The following RIF1 variants were observed in gnomAD, a reference collection of about 807,000 sequenced individuals.
RIF1 encodes the protein replication timing regulatory factor 1, also known as telomere-associated protein RIF1.
A neutral mutation model predicts 247.1 loss-of-function variants in RIF1; 45 were observed. The ratio of observed to expected loss-of-function variants is 0.18; its 90% CI spans 0.14 to 0.23. The LOEUF (loss-of-function observed/expected upper bound fraction) is 0.23. RIF1 is among the 10% of genes least tolerant of loss of function. The probability of loss-of-function intolerance (pLI) is 1.00; values close to 1 mark genes in which losing one functional copy is unlikely to be tolerated. For synonymous variants in RIF1, 1,087 were observed against 978.8 expected, an observed-to-expected ratio of 1.11 and a Z score of -2.06; for missense variants, 2,967 against 2,862.5, an observed-to-expected ratio of 1.04 and a Z score of -0.83.
In RIF1 at chr2:151,446,381, A is replaced by ATAGGTATATATTAACAAAACTTCTTTTT; in HGVS notation, c.2095-43_2095-16dup. The ATAGGTATATATTAACAAAACTTCTTTTT allele has an allele frequency of 2.0e-6, 3 of 1,518,982 alleles. No homozygotes were observed. In the South Asian group the frequency reaches 3.5e-5, roughly 18 times the overall value. The allele number at this position is 1,518,982 out of a possible 1,614,324, so 94.1% of individuals were successfully genotyped here. A position where few individuals can be genotyped will look rare whatever the true frequency, so the allele number is the denominator to read the frequency against. On this transcript the variant is annotated intron_variant, in intron 19 of 35. Transcript: ENST00000444746. Reference sequence around the variant, plus strand: ...GTATTGATTCTATAAACTTTGATAGATAGGTATATATTAACAAAACTTCTT... The same window carrying ATAGGTATATATTAACAAAACTTCTTTTT: ...GTATTGATTCTATAAACTTTGATAGATAGGTATATATTAACAAAACTTCTTTTTTAGGTATATATTAACAAAACTTCTT...
chr2:151,460,322 G>T (rs1351426525), intron 26 of RIF1, among the ~76,000 whole-genome samples: 1 of 152,192 alleles, frequency 6.6e-6, no homozygotes, highest in Non-Finnish European at 1.5e-5. Flanking sequence ...TTTAGGAAAG[G>T]TAAGTTTCTG....
rs1323999578 is a variant in RIF1, at chr2:151,476,907, G to T, written c.*1836G>T. The T allele has an allele frequency of 6.6e-6, 1 of 152,122 alleles. No homozygotes were observed. The highest frequency in any genetic ancestry group is 1.9e-4 in the East Asian group (1 of 5,200). The allele number at this position is 152,122 out of a possible 1,614,324, so 9.4% of individuals were successfully genotyped here. A position where few individuals can be genotyped will look rare whatever the true frequency, so the allele number is the denominator to read the frequency against. On this transcript the variant is annotated 3_prime_UTR_variant, in exon 36 of 36. Transcript: ENST00000444746. Reference sequence around the variant, plus strand: ...CACACTTCAGAATTAAAATCAGTTCGTTTCATGACTCTGTGCCTTAACGTT... The same window carrying T: ...CACACTTCAGAATTAAAATCAGTTCTTTTCATGACTCTGTGCCTTAACGTT...
intron 30 of RIF1, 93 bp from the exon 31 acceptor site, chr2:151,467,907 T>G: frequency 8.0e-7 from 1 of 1,247,124 alleles, no homozygotes; most frequent in Non-Finnish European, 1.1e-6. Context: ...TAAACCCACA[T>G]TCTATTTTTG....
intron 7 of RIF1, among the ~76,000 whole-genome samples, chr2:151,421,824 A>G (rs1688217463): frequency 6.6e-6 from 1 of 151,860 alleles, no homozygotes; most frequent in Admixed American, 6.6e-5. Context: ...ATTCAATTTT[A>G]GTGACATATA....
At chr2:151,462,854 G>A (rs756038392) in intron 29 of RIF1, 30 bp from the exon 30 acceptor site, 1 of 1,448,522 alleles carries the variant, frequency 6.9e-7, no homozygotes, top group Non-Finnish European at 9.4e-7. Context: ...TAATCTGTGT[G>A]TGTATATATA....
intron 29 of RIF1, 85 bp downstream of exon 29, chr2:151,462,551 C>T: frequency 1.2e-6 from 1 of 848,066 alleles, no homozygotes; most frequent in Non-Finnish European, 1.8e-6. Flanking sequence ...GTCTGTAGGT[C>T]TTCCCTTTAT....
chr2:151,414,833 C>T lies in RIF1; in HGVS notation c.194C>T (p.Ser65Phe), dbSNP rs1686913594. Residue 65 changes from serine to phenylalanine, a missense_variant, in exon 4 of 36, where the codon TCC becomes TTC. Physicochemically the swap from Ser to Phe is radical, Grantham distance 155 (BLOSUM62 -2). Coordinates refer to ENST00000444746, the MANE Select transcript of RIF1 (RefSeq NM_018151.5). ...ATTTTGTTTTTGTAGACTCACATTT[C>T]CAGTCAAAACTCGGAGCTGAGTAGT... ...RLYKVLKTHI[S>F]SQNSELSSAA... 6.2e-7 allele frequency: 1 copy of T among 1,607,942 alleles called. No homozygotes were observed. Among genetic ancestry groups the T allele is most frequent in the Non-Finnish European group, 8.5e-7 (1 of 1,177,520 alleles).
intron 25 of RIF1, among the ~76,000 whole-genome samples, 181 bp downstream of exon 25, chr2:151,459,091 C>T (rs983386372): frequency 6.6e-6 from 1 of 152,164 alleles, no homozygotes; most frequent in Non-Finnish European, 1.5e-5. Context: ...TGTAAATAAT[C>T]TCTAATTCTT....
At chr2:151,416,424 C>A in intron 4 of RIF1, 137 bp from the exon 5 acceptor site, 1 of 757,272 alleles carries the variant, frequency 1.3e-6, no homozygotes. Flanking sequence ...TTGGTATCAG[C>A]ATTGGTTCTC....
rs1696508618 is a variant in RIF1, at chr2:151,463,614, C to T, written c.4094C>T (p.Ala1365Val). The change falls in exon 30 of 36, where the codon GCT (alanine) becomes GTT (valine). Residue 1365 changes from alanine to valine, a missense_variant. Around this residue, in one of 7 missense-constraint regions of RIF1, gnomAD observed 2,028 missense variants for 1,825.6 expected, o/e 1.11. Coordinates refer to ENST00000444746, the MANE Select transcript of RIF1 (RefSeq NM_018151.5). ...TKLKAATVEN[A>V]VLLETNTVEE... is the part of the protein sequence containing the mutation. The stretch of plus-strand genomic sequence containing the variant: ...CTTAAAGCAGCAACAGTGGAAAATG[C>T]TGTATTATTGGAAACTAATACTGTA... 2 of 1,613,592 alleles carry T rather than the reference C, an allele frequency of 1.2e-6. No individual in the cohort carries two copies. Among genetic ancestry groups the T allele is most frequent in the Non-Finnish European group, 1.7e-6 (2 of 1,179,828 alleles).
intron 11 of RIF1, among the ~76,000 whole-genome samples, 178 bp downstream of exon 11, chr2:151,435,758 CTGT>C (rs1691061313): frequency 6.8e-6 from 1 of 146,698 alleles, no homozygotes; most frequent in South Asian, 2.3e-4. Context: ...TCATGTTTTT[CTGT>C]TTTTTGTTTT....
intron 26 of RIF1, 149 bp downstream of exon 26, chr2:151,460,268 C>G (rs1453366009): frequency 5.0e-5 from 31 of 625,140 alleles, no homozygotes; most frequent in East Asian, 1.3e-4. Flanking sequence ...AGAAAGACTG[C>G]TAGGATAGCA....
intron 9 of RIF1, among the ~76,000 whole-genome samples, chr2:151,489,237 T>G (rs1238129741): frequency 6.6e-6 from 1 of 152,150 alleles, no homozygotes; most frequent in East Asian, 1.9e-4. Flanking sequence ...TCCTAAAGTA[T>G]TAGGCTTTTG....
chr2:151,533,345 T>G, the RIF1 span: 1 of 782,638 alleles, frequency 1.3e-6, no homozygotes, highest in East Asian at 2.7e-5. Flanking sequence ...GAAGCCAGCA[T>G]GGGCAGGGAG....
chr2:151,431,300 C>T (rs1690080927), intron 9 of RIF1, among the ~76,000 whole-genome samples: 1 of 152,142 alleles, frequency 6.6e-6, no homozygotes, highest in African/African-American at 2.4e-5. Flanking sequence ...CTAGAAATAG[C>T]CTTCTAAGAA....
chr2:151,506,436 A>T, intron 13 of RIF1: 1 of 579,920 alleles, frequency 1.7e-6, no homozygotes, highest in Non-Finnish European at 3.1e-6. Flanking sequence ...CAGACCAGTT[A>T]TACAACATGG....
chr2:151,478,580 TA>T lies in RIF1; in HGVS notation c.*3514del, dbSNP rs1489098377. On this transcript the variant is annotated 3_prime_UTR_variant, in exon 36 of 36. Transcript: ENST00000444746. ...AGACTCTGTTACAATTTAAACATCA[TA>T]AAAATGTGAAGAGTAAGTGGTGAGG... 1 of 151,680 alleles carries T rather than the reference TA, an allele frequency of 6.6e-6. No homozygotes were observed. The highest frequency in any genetic ancestry group is 6.6e-5 in the Admixed American group (1 of 15,216). 9.4% of individuals were successfully genotyped at this position (151,680 alleles called of 1,614,324 possible). A position where few individuals can be genotyped will look rare whatever the true frequency, so the allele number is the denominator to read the frequency against.
intron 16 of RIF1, 57 bp downstream of exon 16, chr2:151,442,048 T>TTTTTATTTTA (rs58326774): frequency 0.22 from 52,858 of 237,340 alleles, 8,516 homozygotes; most frequent in African/African-American, 0.26. Flanking sequence ...ATACTTCCCT[T>TTTTTATTTTA]TTTTATTTTA....
intron 11 of RIF1, among the ~76,000 whole-genome samples, chr2:151,501,067 A>G (rs1425108140): frequency 6.6e-6 from 1 of 152,202 alleles, no homozygotes; most frequent in Non-Finnish European, 1.5e-5. Flanking sequence ...ACCCAGAAAC[A>G]TCAGATAAAA....
Sources: gnomAD v4.1 joint callset for allele counts (sites outside exome capture counted in the v4.1 genomes callset) on GRCh38, gnomAD v4.1.1 for gene constraint, gnomAD v4.1.1 regional missense constraint, MANE v1.5 for transcripts, NCBI Gene and HGNC (gene_info 2026-07-23, HGNC 2026-07-21) for gene names.